SNX9: variants seen among roughly 807,000 people sequenced by gnomAD.
SNX9 encodes the protein sorting nexin 9, also known as sorting nexin-9.
A neutral mutation model predicts 89.4 loss-of-function variants in SNX9; 44 were observed. The observed-to-expected ratio is 0.49, with a 90% CI of 0.39 to 0.63. The LOEUF is 0.63. Ranked by LOEUF, SNX9 falls within the 30% of genes least tolerant of loss-of-function variation. The probability of loss-of-function intolerance (pLI) is 0.00; values close to 1 mark genes in which losing one functional copy is unlikely to be tolerated. For synonymous variants in SNX9, 236 were observed against 247.8 expected, an observed-to-expected ratio of 0.95 and a Z score of 0.45; for missense variants, 578 against 736.1, an observed-to-expected ratio of 0.79 and a Z score of 2.49.
intron 13 of SNX9, among the ~76,000 whole-genome samples, chr6:157,934,442 A>G (rs1053598817): frequency 3.3e-5 from 5 of 152,236 alleles, no homozygotes; most frequent in Admixed American, 6.5e-5. Flanking sequence ...TTTCTAATCA[A>G]AAGCAAAATA....
intron 4 of SNX9, among the ~76,000 whole-genome samples, chr6:157,895,918 G>C (rs1442407160): frequency 1.3e-5 from 2 of 152,216 alleles, no homozygotes; most frequent in Non-Finnish European, 2.9e-5. Flanking sequence ...GAGAACAGGA[G>C]ATCCCAGTCT....
chr6:157,832,588 C>T (rs1202229255), intron 1 of SNX9, among the ~76,000 whole-genome samples: 1 of 152,198 alleles, frequency 6.6e-6, no homozygotes, highest in Non-Finnish European at 1.5e-5. Context: ...ACTCACAGTT[C>T]CAAAGGGCTG....
At chr6:157,878,041 A>T (rs534481812) in intron 4 of SNX9, among the ~76,000 whole-genome samples, 8 of 152,222 alleles carry the variant, frequency 5.3e-5, no homozygotes, top group Non-Finnish European at 1.0e-4. Flanking sequence ...ATAAATGTAT[A>T]ACCTACTATG....
intron 10 of SNX9, among the ~76,000 whole-genome samples, chr6:157,922,403 A>G (rs1783601401): frequency 1.3e-5 from 2 of 152,238 alleles, no homozygotes; most frequent in Non-Finnish European, 2.9e-5. Flanking sequence ...CCCAGAAGCC[A>G]CAGCAGATGC....
intron 11 of SNX9, among the ~76,000 whole-genome samples, 180 bp from the exon 12 acceptor site, chr6:157,928,419 C>A (rs1318868427): frequency 1.3e-5 from 2 of 152,178 alleles, no homozygotes; most frequent in Admixed American, 1.3e-4. Flanking sequence ...AAATATAAAT[C>A]AGCGCTTTTT....
intron 9 of SNX9, among the ~76,000 whole-genome samples, chr6:157,919,511 T>C (rs2115190067): frequency 2.0e-5 from 3 of 152,358 alleles, no homozygotes; most frequent in Middle Eastern, 6.8e-3. Flanking sequence ...GTGAATTTTT[T>C]ATTTCAATTA....
chr6:157,919,299 A>C (rs966418128), intron 9 of SNX9, among the ~76,000 whole-genome samples: 3 of 152,148 alleles, frequency 2.0e-5, no homozygotes, highest in African/African-American at 7.2e-5. Context: ...AGTCATTCAG[A>C]TATTTTTTGT....
Position 157,826,414 on chromosome 6 carries a change from A to T in SNX9, c.12+2968A>T, listed in dbSNP as rs374042748. On this transcript the variant is annotated intron_variant, in intron 1 of 17. Transcript: ENST00000392185. ...ACTCGGGAGGCTGAGGCAGGAGAAT[A>T]GCGTGAACCCGGGAGGCAGAACTTG... is the stretch of plus-strand genomic sequence containing the variant. Among the ~76,000 whole-genome samples, 51 of 151,120 alleles carry T rather than the reference A, an allele frequency of 3.4e-4. 3 individuals carry two copies. The highest frequency in any genetic ancestry group is 1.1e-3 in the African/African-American group (46 of 41,058).
At chr6:157,932,407 C>T (rs535635941) in intron 13 of SNX9, 135 bp downstream of exon 13, 21 of 715,946 alleles carry the variant, frequency 2.9e-5, no homozygotes, top group South Asian at 2.8e-4. Context: ...GCTAGGCTGC[C>T]GCACTAAGGA....
At chr6:157,844,626 C>T (rs975913566) in intron 1 of SNX9, among the ~76,000 whole-genome samples, 4 of 134,012 alleles carry the variant, frequency 3.0e-5, no homozygotes, top group Non-Finnish European at 6.4e-5. Context: ...CAGAGTCTCA[C>T]TCTGTTGCCC....
intron 1 of SNX9, among the ~76,000 whole-genome samples, chr6:157,852,751 A>G (rs983892743): frequency 1.3e-5 from 2 of 151,994 alleles, no homozygotes; most frequent in African/African-American, 2.4e-5. Context: ...TAATTTTTGT[A>G]TTTGTAGAGA....
chr6:157,930,304 T>C (rs2115206316), intron 12 of SNX9, among the ~76,000 whole-genome samples: 1 of 152,360 alleles, frequency 6.6e-6, no homozygotes, highest in South Asian at 2.1e-4. Context: ...CAAAGAAATA[T>C]GATGCTGTAT....
intron 1 of SNX9, among the ~76,000 whole-genome samples, chr6:157,865,341 A>G (rs755818663): frequency 1.6e-3 from 146 of 90,366 alleles, no homozygotes; most frequent in African/African-American, 7.0e-3. Context: ...CAGTCTCAGG[A>G]AAAAAAAAAA....
At chr6:157,932,866 CAAAAAAAAAA>C (rs10545432) in intron 13 of SNX9, among the ~76,000 whole-genome samples, 1 of 39,214 alleles carries the variant, frequency 2.6e-5, no homozygotes, top group Non-Finnish European at 4.6e-5. Context: ...GACCCTGTCT[CAAAAAAAAAA>C]AAAAAAAAAA....
At chr6:157,910,892 C>A (rs1230939670) in intron 9 of SNX9, among the ~76,000 whole-genome samples, 1 of 152,068 alleles carries the variant, frequency 6.6e-6, no homozygotes, top group African/African-American at 2.4e-5. Flanking sequence ...GAGGCCGAGG[C>A]GGGCGGATCA....
chr6:157,909,135 A>G (rs902483582), intron 7 of SNX9, among the ~76,000 whole-genome samples: 12 of 152,216 alleles, frequency 7.9e-5, no homozygotes, highest in African/African-American at 2.4e-4. Context: ...AGCCAGAACA[A>G]TGCTACTCAA....
At chr6:157,854,969 AC>A (rs952305898) in intron 1 of SNX9, among the ~76,000 whole-genome samples, 16 of 148,454 alleles carry the variant, frequency 1.1e-4, no homozygotes, top group Middle Eastern at 3.4e-3. Context: ...AAAAAAAAAA[AC>A]CCCACAACAC....
intron 1 of SNX9, among the ~76,000 whole-genome samples, chr6:157,848,252 T>C (rs955205749): frequency 6.6e-6 from 1 of 152,224 alleles, no homozygotes; most frequent in African/African-American, 2.4e-5. Context: ...ACATACCGGC[T>C]ACCTAGCTTC....
rs1404762004 is a variant in SNX9, at chr6:157,943,524, T to C, written c.*686T>C. ...ATGAGCAGATACCCCTGGCCACCCA[T>C]GTCCTCAGCGACATTTCTGATGTGC... On this transcript the variant is annotated 3_prime_UTR_variant, in exon 18 of 18. Coordinates refer to ENST00000392185, the MANE Select transcript of SNX9 (RefSeq NM_016224.5). 6.6e-6 allele frequency: 1 copy of C among 152,366 alleles called. No homozygotes were observed. The highest frequency in any genetic ancestry group is 1.5e-5 in the Non-Finnish European group (1 of 68,140). The allele number at this position is 152,366 out of a possible 1,614,324, so 9.4% of individuals were successfully genotyped here.
Sources: gnomAD v4.1 joint callset for allele counts (sites outside exome capture counted in the v4.1 genomes callset) on GRCh38, gnomAD v4.1.1 for gene constraint, MANE v1.5 for transcripts, NCBI Gene and HGNC (gene_info 2026-07-23, HGNC 2026-07-21) for gene names.